Variants in COG6 observed in about 807,000 individuals in gnomAD.
The protein encoded by COG6 is conserved oligomeric Golgi complex subunit 6.
COG6 carries 74 observed loss-of-function variants against 88.8 expected under a neutral mutation model. That is an observed-to-expected ratio of 0.83 (90% CI 0.69 to 1.01). COG6 has a LOEUF of 1.01. COG6 is among the 50% of genes least tolerant of loss of function. COG6 has a pLI of 0.00. For synonymous variants in COG6, 286 were observed against 278.7 expected, an observed-to-expected ratio of 1.03 and a Z score of -0.26; for missense variants, 800 against 797.9, an observed-to-expected ratio of 1.00 and a Z score of -0.03.
chr13:39,671,782 A>G (rs538699136), intron 4 of COG6, among the ~76,000 whole-genome samples: 1 of 151,988 alleles, frequency 6.6e-6, no homozygotes, highest in Admixed American at 6.6e-5. Flanking sequence ...TCACCTTTGT[A>G]CTTTACAGTT....
Position 39,699,627 on chromosome 13 carries a change from GA to G in COG6, c.1284+14del, listed in dbSNP as rs1877464793. 8.8e-7 allele frequency: 1 copy of G among 1,139,392 alleles called. No individual in the cohort carries two copies. Among genetic ancestry groups the G allele is most frequent in the Non-Finnish European group, 1.3e-6 (1 of 748,806 alleles). The allele number at this position is 1,139,392 out of a possible 1,614,324, so 70.6% of individuals were successfully genotyped here. On this transcript the variant is annotated intron_variant, in intron 13 of 18. Coordinates refer to ENST00000455146, the MANE Select transcript of COG6 (RefSeq NM_020751.3). ...GTAAATTAATGGACAAGGTATGTTT[GA>G]AAAATGTAATTATTAAATTATGTGA...
At chr13:39,778,386 A>G (rs988194538) in intron 18 of COG6, among the ~76,000 whole-genome samples, 4 of 152,250 alleles carry the variant, frequency 2.6e-5, no homozygotes, top group African/African-American at 7.2e-5. Flanking sequence ...AGAAGGGACT[A>G]TGTAGCTCAT....
intron 3 of COG6, chr13:39,663,992 T>C (rs751939399): frequency 4.5e-5 from 7 of 154,508 alleles, no homozygotes; most frequent in Non-Finnish European, 8.8e-5. Context: ...AATAGCTTCA[T>C]TTGAGGTGGC....
intron 12 of COG6, among the ~76,000 whole-genome samples, chr13:39,696,495 G>A (rs1877281401): frequency 6.6e-6 from 1 of 151,694 alleles, no homozygotes; most frequent in African/African-American, 2.4e-5. Context: ...GAAGGAGTTG[G>A]GCATGAAAAG....
chr13:39,656,284 A>G (rs1244028955), intron 1 of COG6: 5 of 442,702 alleles, frequency 1.1e-5, no homozygotes, highest in Admixed American at 2.5e-5. Context: ...AGGTAGCGCA[A>G]ATGGGGGTCG....
chr13:39,762,766 T>G (rs6650473), intron 18 of COG6, among the ~76,000 whole-genome samples: 38,465 of 149,472 alleles, frequency 0.26, 4,968 homozygotes, highest in African/African-American at 0.27. Flanking sequence ...TAAGAGTTTT[T>G]TTTTTTTTTT....
At chr13:39,777,039 A>T (rs963811293) in intron 18 of COG6, among the ~76,000 whole-genome samples, 13 of 152,198 alleles carry the variant, frequency 8.5e-5, no homozygotes, top group African/African-American at 3.1e-4. Flanking sequence ...CCATCACCAA[A>T]TTAACAACAA....
chr13:39,656,506 C>T (rs1231704366), intron 1 of COG6, among the ~76,000 whole-genome samples: 1 of 151,780 alleles, frequency 6.6e-6, no homozygotes, highest in Non-Finnish European at 1.5e-5. Context: ...ACAAGTACCT[C>T]CTGAAACTTA....
chr13:39,697,444 A>T (rs1047266408), intron 12 of COG6, among the ~76,000 whole-genome samples: 2 of 151,956 alleles, frequency 1.3e-5, no homozygotes, highest in African/African-American at 4.8e-5. Flanking sequence ...TAACAAAAGG[A>T]AGATATAGAA....
At chr13:39,729,727 G>C (rs1156561008) in intron 18 of COG6, among the ~76,000 whole-genome samples, 1 of 152,150 alleles carries the variant, frequency 6.6e-6, no homozygotes, top group African/African-American at 2.4e-5. Flanking sequence ...TAATGGAACA[G>C]GTCTGAGAAA....
At chr13:39,741,173 T>C (rs755375330) in intron 18 of COG6, among the ~76,000 whole-genome samples, 4 of 152,074 alleles carry the variant, frequency 2.6e-5, no homozygotes, top group Non-Finnish European at 4.4e-5. Flanking sequence ...AATATCTCCA[T>C]TTAGTTACAT....
intron 18 of COG6, among the ~76,000 whole-genome samples, chr13:39,763,449 A>G (rs1174864129): frequency 1.3e-5 from 2 of 151,752 alleles, no homozygotes; most frequent in African/African-American, 4.8e-5. Context: ...GAAGCTTTCA[A>G]TTGTTAGATA....
At position 39,660,213 on chromosome 13, in the gene COG6, C is replaced by T. The variant is rs1013413112; in HGVS notation, c.298-597C>T. ...AAAAAAATTACATTAGAGATGGACT[C>T]TTGCTATGTTGCCTGGGCTGGAGTG... is the stretch of plus-strand genomic sequence containing the variant. On this transcript the variant is annotated intron_variant, in intron 2 of 18. Transcript: ENST00000455146. Among the ~76,000 whole-genome samples, 6 of 152,216 alleles carry T rather than the reference C, an allele frequency of 3.9e-5. 1 individual carries two copies. In the South Asian group the frequency reaches 1.2e-3, roughly 32 times the overall value.
At chr13:39,736,812 G>A (rs146152023) in intron 18 of COG6, among the ~76,000 whole-genome samples, 44 of 152,316 alleles carry the variant, frequency 2.9e-4, no homozygotes, top group African/African-American at 1.0e-3. Flanking sequence ...TGTCACTCTA[G>A]GGTTGGTCAC....
intron 18 of COG6, among the ~76,000 whole-genome samples, chr13:39,780,511 A>T (rs1226568381): frequency 1.3e-5 from 2 of 152,180 alleles, no homozygotes; most frequent in Non-Finnish European, 2.9e-5. Context: ...TTGGCCTAAT[A>T]TCCATAATAA....
intron 7 of COG6, among the ~76,000 whole-genome samples, chr13:39,680,647 T>C (rs1464103111): frequency 6.6e-6 from 1 of 152,216 alleles, no homozygotes; most frequent in Non-Finnish European, 1.5e-5. Context: ...CAGTTCCTTG[T>C]GTTTGCAGCA....
intron 12 of COG6, among the ~76,000 whole-genome samples, chr13:39,698,538 C>T (rs955204018): frequency 2.0e-5 from 3 of 151,700 alleles, no homozygotes; most frequent in African/African-American, 4.8e-5. Context: ...ATTTTGGTTT[C>T]GGAATTGTAC....
Position 39,659,371 on chromosome 13 carries a change from TA to T in COG6, c.162del (p.Glu55LysfsTer30). On this transcript the variant is annotated frameshift_variant, in exon 2 of 19. Transcript: ENST00000455146. LOFTEE classifies it high-confidence loss of function. ...CTGTTACCAATTGTATAGGAGATGT[TA>T]GAAGCTCTCAAGGCACTTTCAACCT... ...ETRLDNDKEM[L>X]EALKALSTFF... 13 of 1,613,648 alleles carry T rather than the reference TA, an allele frequency of 8.1e-6. No individual in the cohort carries two copies. Among genetic ancestry groups the T allele is most frequent in the Non-Finnish European group, 1.1e-5 (13 of 1,179,760 alleles).
chr13:39,740,280 G>A, intron 18 of COG6, among the ~76,000 whole-genome samples: 1 of 152,026 alleles, frequency 6.6e-6, no homozygotes, highest in East Asian at 1.9e-4. Flanking sequence ...TAGCACTCTG[G>A]CCCAAGGTGG....
Sources: gnomAD v4.1 joint callset for allele counts (sites outside exome capture counted in the v4.1 genomes callset) on GRCh38, gnomAD v4.1.1 for gene constraint, MANE v1.5 for transcripts, NCBI Gene and HGNC (gene_info 2026-07-23, HGNC 2026-07-21) for gene names.